The following MAPT variants were observed in gnomAD, a reference collection of about 807,000 sequenced individuals.
MAPT encodes the protein microtubule-associated protein tau.
MAPT carries 34 observed loss-of-function variants against 67.9 expected under a neutral mutation model. The observed-to-expected ratio is 0.50, with a 90% CI of 0.38 to 0.67. The LOEUF (loss-of-function observed/expected upper bound fraction) is 0.67. Ranked by LOEUF, MAPT falls within the 30% of genes least tolerant of loss-of-function variation. MAPT has a pLI of 0.00. For synonymous variants in MAPT, 456 were observed against 464.5 expected, an observed-to-expected ratio of 0.98 and a Z score of 0.23; for missense variants, 881 against 1,115.2, an observed-to-expected ratio of 0.79 and a Z score of 2.99.
chr17:45,916,641 C>G (rs1162684183), intron 1 of MAPT, among the ~76,000 whole-genome samples: 3 of 152,194 alleles, frequency 2.0e-5, no homozygotes, highest in African/African-American at 4.8e-5. Context: ...GCCCACTTTC[C>G]CTTTTCTCCT....
rs780585825 is a variant in MAPT at position 45,991,506 on chromosome 17, C to T, written c.1652C>T (p.Pro551Leu). The T allele has an allele frequency of 1.2e-6, 2 of 1,614,242 alleles. No homozygotes were observed. Among genetic ancestry groups the T allele is most frequent in the Admixed American group, 3.3e-5 (2 of 60,032 alleles). ...ATCGCCACACCGCGGGGAGCAGCCC[C>T]TCCAGGCCAGAAGGGCCAGGCCAAC... ...TKIATPRGAA[P>L]PGQKGQANAT... The change falls in exon 8 of 13, where the codon CCT (proline) becomes CTT (leucine). Residue 551 changes from proline to leucine, a missense_variant. Coordinates refer to ENST00000262410, the MANE Select transcript of MAPT (RefSeq NM_001377265.1).
rs1376580087 is a variant in MAPT at position 46,027,081 on chromosome 17, T to G, written c.*2910T>G. On this transcript the variant is annotated 3_prime_UTR_variant, in exon 13 of 13. Coordinates refer to ENST00000262410, the MANE Select transcript of MAPT (RefSeq NM_001377265.1). ...AAGGGATCTGAGAAGGAGAAGGAAA[T>G]GTGGGGTAGATTTGGTGGTGGTTAG... 6.6e-6 allele frequency: 1 copy of G among 152,194 alleles called. No individual in the cohort carries two copies. Among genetic ancestry groups the G allele is most frequent in the Non-Finnish European group, 1.5e-5 (1 of 68,066 alleles). The allele number at this position is 152,194 out of a possible 1,614,324, so 9.4% of individuals were successfully genotyped here. A position where few individuals can be genotyped will look rare whatever the true frequency, so the allele number is the denominator to read the frequency against.
At chr17:46,011,925 C>T (rs578140431) in intron 10 of MAPT, among the ~76,000 whole-genome samples, 8 of 152,226 alleles carry the variant, frequency 5.3e-5, no homozygotes, top group South Asian at 4.1e-4. Flanking sequence ...GGCTAACTAA[C>T]GCTTCCTCAC....
intron 1 of MAPT, among the ~76,000 whole-genome samples, chr17:45,943,349 C>G (rs1304219302): frequency 6.6e-6 from 1 of 152,178 alleles, no homozygotes; most frequent in African/African-American, 2.4e-5. Context: ...GCCACCATGC[C>G]TGGCAGTGTG....
Position 46,024,160 on chromosome 17 carries a change from C to G in MAPT, c.2491C>G (p.Gln831Glu). The change falls in exon 13 of 13, where the codon CAG (glutamine) becomes GAG (glutamate). Residue 831 changes from glutamine to glutamate, a missense_variant. Physicochemically the swap from Gln to Glu is conservative, Grantham distance 29 (BLOSUM62 2). Around this residue, in one of 6 missense-constraint regions of MAPT, gnomAD observed 79 missense variants for 150.9 expected, o/e 0.52. Coordinates refer to ENST00000262410, the MANE Select transcript of MAPT (RefSeq NM_001377265.1). ...CGAGGTGTCTGCCTCCCTGGCCAAG[C>G]AGGGTTTGTGATCAGGCCCCTGGGG... ...ADEVSASLAK[Q>E]GL 1.9e-6 allele frequency: 3 copies of G among 1,613,944 alleles called. No individual in the cohort carries two copies. The highest frequency in any genetic ancestry group is 2.5e-6 in the Non-Finnish European group (3 of 1,179,946).
chr17:45,959,153 C>T (rs895364153), intron 1 of MAPT, among the ~76,000 whole-genome samples: 6 of 152,188 alleles, frequency 3.9e-5, no homozygotes, highest in African/African-American at 1.4e-4. Context: ...CTTTTAGGTT[C>T]ACAGTGAAAC....
intron 1 of MAPT, among the ~76,000 whole-genome samples, chr17:45,956,548 T>TTATATA (rs57223421): frequency 4.2e-5 from 4 of 95,252 alleles, no homozygotes; most frequent in African/African-American, 1.6e-4. Context: ...GCAGGTTCTT[T>TTATATA]TATATATATA....
intron 4 of MAPT, among the ~76,000 whole-genome samples, chr17:45,981,350 G>T (rs62063782): frequency 0.14 from 22,044 of 152,230 alleles, 2,138 homozygotes; most frequent in Non-Finnish European, 0.22. Flanking sequence ...ACCAAGGAGT[G>T]TAATTCTCCT....
At chr17:45,982,172 AT>A (rs1331342505) in intron 4 of MAPT, among the ~76,000 whole-genome samples, 2 of 151,796 alleles carry the variant, frequency 1.3e-5, no homozygotes, top group African/African-American at 4.8e-5. Flanking sequence ...AAATACAAAA[AT>A]TAGCCAGGTG....
At position 45,985,178 on chromosome 17, in the gene MAPT, A is replaced by G. The variant is rs537058800; in HGVS notation, c.1351+1248A>G. Reference sequence around the variant, plus strand: ...AAATTAGCTGGGCGTGGTGGCGGGCACCTGTAGTCCCAGCTACTGGGGAGG... The same window carrying G: ...AAATTAGCTGGGCGTGGTGGCGGGCGCCTGTAGTCCCAGCTACTGGGGAGG... On this transcript the variant is annotated intron_variant, in intron 5 of 12. Transcript: ENST00000262410. Among the ~76,000 whole-genome samples, 21 of 152,128 alleles carry G rather than the reference A, an allele frequency of 1.4e-4. No homozygotes were observed. The East Asian group carries it at 3.7e-3, about 27-fold the overall frequency.
intron 2 of MAPT, among the ~76,000 whole-genome samples, chr17:45,970,248 T>C (rs921806367): frequency 2.6e-5 from 4 of 152,218 alleles, no homozygotes; most frequent in African/African-American, 9.7e-5. Context: ...AATTACACAT[T>C]CATACACCCA....
intron 1 of MAPT, among the ~76,000 whole-genome samples, chr17:45,953,512 C>T (rs1373748074): frequency 6.6e-6 from 1 of 152,212 alleles, no homozygotes; most frequent in Admixed American, 6.5e-5. Flanking sequence ...AGATTCTTCC[C>T]ATGCATTCCA....
chr17:45,962,655 G>T (rs1460219553), intron 2 of MAPT, among the ~76,000 whole-genome samples, 185 bp downstream of exon 2: 1 of 152,236 alleles, frequency 6.6e-6, no homozygotes, highest in African/African-American at 2.4e-5. Context: ...GCCAGACACG[G>T]TGGCTCACGC....
intron 1 of MAPT, among the ~76,000 whole-genome samples, chr17:45,946,613 AAAATAT>A (rs1423285440): frequency 2.1e-4 from 21 of 97,848 alleles, no homozygotes; most frequent in African/African-American, 7.8e-4. Flanking sequence ...AAAAAAAAAA[AAAATAT>A]ATATATATAT....
chr17:45,982,883 G>A lies in MAPT; in HGVS notation c.304G>A (p.Gly102Ser). ...HVTQEELRVP[G>S]RQRKAPERPL... is the part of the protein sequence containing the mutation. ...CAAACCAGAGGAGTTGAGAGTTCCGGGCCGGCAGAGGAAGGCGCCTGAAAG... is the reference window on the plus strand; with the variant it reads ...CAAACCAGAGGAGTTGAGAGTTCCGAGCCGGCAGAGGAAGGCGCCTGAAAG... Residue 102 changes from glycine (G) to serine (S), a missense_variant, in exon 5 of 13, where the codon GGC (glycine) becomes AGC (serine). Gly to Ser is a moderately conservative substitution (Grantham distance 56). Coordinates refer to ENST00000262410, the MANE Select transcript of MAPT (RefSeq NM_001377265.1). The A allele has an allele frequency of 6.1e-6, 8 of 1,321,896 alleles. No homozygotes were observed. The highest frequency in any genetic ancestry group is 7.7e-6 in the Non-Finnish European group (8 of 1,036,538). The allele number at this position is 1,321,896 out of a possible 1,614,324, so 81.9% of individuals were successfully genotyped here.
intron 3 of MAPT, chr17:45,977,920 G>A (rs567333919): frequency 5.4e-6 from 1 of 185,664 alleles, no homozygotes; most frequent in South Asian, 1.1e-4. Context: ...GCTCAGAGAG[G>A]TTGAATGAAT....
intron 1 of MAPT, among the ~76,000 whole-genome samples, chr17:45,927,198 A>G (rs924920468): frequency 2.0e-5 from 3 of 152,142 alleles, no homozygotes; most frequent in Non-Finnish European, 4.4e-5. Flanking sequence ...AGTCTACCCC[A>G]AGCCCTCCAT....
chr17:46,016,030 G>A (rs548880895), intron 11 of MAPT, among the ~76,000 whole-genome samples: 1 of 152,096 alleles, frequency 6.6e-6, no homozygotes, highest in African/African-American at 2.4e-5. Flanking sequence ...CTTCACCATC[G>A]GCAGCAGCTA....
chr17:45,924,685 C>CTTATTGGAG (rs2066102871), intron 1 of MAPT, among the ~76,000 whole-genome samples: 2 of 152,350 alleles, frequency 1.3e-5, no homozygotes, highest in Admixed American at 1.3e-4. Flanking sequence ...CTGCTCCTGC[C>CTTATTGGAG]CACTTGGAAT....
Sources: gnomAD v4.1 joint callset for allele counts (sites outside exome capture counted in the v4.1 genomes callset) on GRCh38, gnomAD v4.1.1 for gene constraint, gnomAD v4.1.1 regional missense constraint, MANE v1.5 for transcripts, NCBI Gene and HGNC (gene_info 2026-07-23, HGNC 2026-07-21) for gene names.